ROBO1: variants seen among roughly 807,000 people sequenced by gnomAD.
ROBO1 encodes the protein roundabout homolog 1.
A neutral mutation model predicts 195.9 loss-of-function variants in ROBO1; 149 were observed. The observed-to-expected ratio is 0.76, with a 90% CI of 0.67 to 0.87. ROBO1 has a LOEUF of 0.87. ROBO1 is among the 40% of genes least tolerant of loss of function. The pLI, the probability that ROBO1 is intolerant of heterozygous loss-of-function variation, is 0.00. For missense variants in ROBO1, 1,933 were observed against 2,068.3 expected (o/e 0.93, Z 1.27); for synonymous variants, 816 against 733.2 (o/e 1.11, Z -1.82).
chr3:79,551,823 T>A (rs890988110), intron 2 of ROBO1, among the ~76,000 whole-genome samples: 6 of 151,800 alleles, frequency 4.0e-5, no homozygotes, highest in African/African-American at 1.5e-4. Flanking sequence ...CAAGTCTCTC[T>A]CTTCAGGCAC....
chr3:79,099,138 G>A (rs1453008882), intron 3 of ROBO1, among the ~76,000 whole-genome samples: 1 of 151,472 alleles, frequency 6.6e-6, no homozygotes, highest in African/African-American at 2.4e-5. Context: ...AATATTACTT[G>A]ACATTTTTAT....
intron 2 of ROBO1, among the ~76,000 whole-genome samples, chr3:79,180,854 G>C (rs1034740233): frequency 6.6e-6 from 1 of 152,144 alleles, no homozygotes; most frequent in African/African-American, 2.4e-5. Flanking sequence ...TGCAGTTGGA[G>C]GGGGTGGGAG....
chr3:78,746,827 G>T lies in ROBO1; in HGVS notation c.573C>A (p.Cys191Ter). 6.2e-7 allele frequency: 1 copy of T among 1,603,142 alleles called. No homozygotes were observed. Among genetic ancestry groups the T allele is most frequent in the Non-Finnish European group, 8.5e-7 (1 of 1,172,230 alleles). The change falls in exon 5 of 31, where the codon TGC becomes TGA. Residue 191 changes from cysteine to a stop codon, truncating the protein, a stop_gained. Coordinates refer to ENST00000464233, the MANE Select transcript of ROBO1 (RefSeq NM_002941.4). LOFTEE classifies it high-confidence loss of function. ...VAVGEPAVME[C>*]QPPRGHPEPT... is the part of the protein sequence containing the mutation. ...GCTCAGGATGGCCTCGTGGAGGTTG[G>T]CATTCCATTACTGCAGGCTCTCCTA...
rs2081183486 is a variant in ROBO1 at position 79,172,396 on chromosome 3, T to A, written c.89-46857A>T. On this transcript the variant is annotated intron_variant, in intron 2 of 30. Transcript: ENST00000464233. ...ATTGTATTAACTAAATCTCTAAAAA[T>A]TTTTGTCTCAATTTTCTGTACTTCA... Among the ~76,000 whole-genome samples, 2 of 152,278 alleles carry A rather than the reference T, an allele frequency of 1.3e-5. 1 individual carries two copies. Among genetic ancestry groups the A allele is most frequent in the South Asian group, 4.1e-4 (2 of 4,822 alleles).
At chr3:78,702,963 A>G (rs1179914319) in intron 8 of ROBO1, among the ~76,000 whole-genome samples, 1 of 152,226 alleles carries the variant, frequency 6.6e-6, no homozygotes, top group Non-Finnish European at 1.5e-5. Flanking sequence ...CACAATTAAG[A>G]GAGCATTTCA....
chr3:78,708,814 A>C (rs1281921382), intron 8 of ROBO1, among the ~76,000 whole-genome samples: 1 of 152,188 alleles, frequency 6.6e-6, no homozygotes, highest in East Asian at 1.9e-4. Flanking sequence ...TTTGTCTTAA[A>C]AGATGGAGCC....
At chr3:79,285,936 A>C (rs537884029) in intron 2 of ROBO1, among the ~76,000 whole-genome samples, 19 of 152,354 alleles carry the variant, frequency 1.2e-4, no homozygotes, top group African/African-American at 4.3e-4. Flanking sequence ...AATGAGACAC[A>C]ATAACAAAGT....
intron 1 of ROBO1, among the ~76,000 whole-genome samples, chr3:79,591,124 T>C (rs1297541128): frequency 6.6e-6 from 1 of 151,870 alleles, no homozygotes; most frequent in Non-Finnish European, 1.5e-5. Context: ...AGACTTAATC[T>C]TTTAACAATA....
intron 5 of ROBO1, among the ~76,000 whole-genome samples, chr3:78,741,727 T>C (rs1005099082): frequency 2.0e-5 from 3 of 152,154 alleles, no homozygotes; most frequent in Non-Finnish European, 4.4e-5. Flanking sequence ...TTATTAACAA[T>C]GATGGATATG....
intron 2 of ROBO1, among the ~76,000 whole-genome samples, chr3:79,524,577 G>C (rs1448630045): frequency 2.0e-5 from 3 of 152,050 alleles, no homozygotes; most frequent in African/African-American, 7.2e-5. Context: ...GGGGCTTTCA[G>C]ATTTTTAAAG....
At position 78,659,668 on chromosome 3, in the gene ROBO1, T is replaced by TATAC. The variant is rs2107658952; in HGVS notation, c.2442+17_2442+18insGTAT. 1.4e-6 allele frequency: 2 copies of TATAC among 1,472,410 alleles called. No homozygotes were observed. The highest frequency in any genetic ancestry group is 1.4e-5 in the South Asian group (1 of 69,766). 91.2% of individuals were successfully genotyped at this position (1,472,410 alleles called of 1,614,324 possible). On this transcript the variant is annotated intron_variant, in intron 17 of 30. Coordinates refer to ENST00000464233, the MANE Select transcript of ROBO1 (RefSeq NM_002941.4). ...CTGCCCATCAGGACATTAATATATATATATATTATACTCATACCTTATACT... is the reference window on the plus strand; with the variant it reads ...CTGCCCATCAGGACATTAATATATATATACATATATTATACTCATACCTTATACT...
At chr3:79,082,219 T>C (rs1321187135) in intron 3 of ROBO1, among the ~76,000 whole-genome samples, 2 of 152,190 alleles carry the variant, frequency 1.3e-5, no homozygotes, top group Admixed American at 1.3e-4. Context: ...CTGTTCTAAC[T>C]GTATAAACAG....
chr3:79,370,843 C>A (rs982479428), intron 2 of ROBO1, among the ~76,000 whole-genome samples: 1 of 151,976 alleles, frequency 6.6e-6, no homozygotes, highest in Non-Finnish European at 1.5e-5. Context: ...CCTTGCCCCC[C>A]ACCCCCTGAC....
intron 1 of ROBO1, among the ~76,000 whole-genome samples, chr3:79,707,295 T>C (rs1384648096): frequency 1.3e-5 from 2 of 152,188 alleles, no homozygotes; most frequent in African/African-American, 4.8e-5. Context: ...GAGTTATTCA[T>C]AGTATGCCAT....
At chr3:79,368,326 A>C (rs889162112) in intron 2 of ROBO1, among the ~76,000 whole-genome samples, 2 of 152,168 alleles carry the variant, frequency 1.3e-5, no homozygotes, top group Admixed American at 1.3e-4. Flanking sequence ...CTTTGTTTAG[A>C]TCACAAGAGA....
chr3:79,112,864 G>A (rs2079913710), intron 3 of ROBO1, among the ~76,000 whole-genome samples: 1 of 151,998 alleles, frequency 6.6e-6, no homozygotes, highest in Non-Finnish European at 1.5e-5. Flanking sequence ...GTATACATAT[G>A]TAACTAACCT....
chr3:79,059,391 T>C (rs1408842803), intron 3 of ROBO1, among the ~76,000 whole-genome samples: 2 of 152,084 alleles, frequency 1.3e-5, no homozygotes, highest in African/African-American at 4.8e-5. Flanking sequence ...TTTGGAATTA[T>C]GCTTCTCTGT....
intron 2 of ROBO1, among the ~76,000 whole-genome samples, chr3:79,161,853 T>A (rs988917028): frequency 6.6e-6 from 1 of 152,062 alleles, no homozygotes; most frequent in Non-Finnish European, 1.5e-5. Flanking sequence ...ACTTACTGAT[T>A]TCCTGAGATG....
At chr3:79,448,757 A>G in intron 2 of ROBO1, among the ~76,000 whole-genome samples, 1 of 152,340 alleles carries the variant, frequency 6.6e-6, no homozygotes, top group East Asian at 1.9e-4. Context: ...AATTAAGTTA[A>G]AATGGAACAG....
Sources: gnomAD v4.1 joint callset for allele counts (sites outside exome capture counted in the v4.1 genomes callset) on GRCh38, gnomAD v4.1.1 for gene constraint, MANE v1.5 for transcripts, NCBI Gene and HGNC (gene_info 2026-07-23, HGNC 2026-07-21) for gene names.